The following F13A1 variants were observed in gnomAD, a reference collection of about 807,000 sequenced individuals.
F13A1 encodes the protein FSF, A subunit.
A neutral mutation model predicts 80.1 loss-of-function variants in F13A1; 47 were observed. That is an observed-to-expected ratio of 0.59 (90% CI 0.46 to 0.75). The LOEUF (loss-of-function observed/expected upper bound fraction) is 0.75, where lower values mean the gene tolerates loss of function less well. Ranked by LOEUF, F13A1 falls within the 30% of genes least tolerant of loss-of-function variation. F13A1 has a pLI of 0.00. For missense variants in F13A1, 817 were observed against 930.4 expected (o/e 0.88, Z 1.59); for synonymous variants, 349 against 344.9 (o/e 1.01, Z -0.13).
intron 8 of F13A1, among the ~76,000 whole-genome samples, chr6:6,220,327 T>C (rs1757173806): frequency 1.3e-5 from 2 of 152,034 alleles, no homozygotes; most frequent in South Asian, 4.2e-4. Flanking sequence ...AAGGAACAAA[T>C]GGTGTCAGGA....
chr6:6,212,465 G>T (rs1020810349), intron 8 of F13A1, among the ~76,000 whole-genome samples: 4 of 152,214 alleles, frequency 2.6e-5, no homozygotes, highest in African/African-American at 7.2e-5. Flanking sequence ...TGCAGCTGAG[G>T]GTCCTGTCTG....
At chr6:6,241,377 T>TA (rs1325959458) in intron 6 of F13A1, among the ~76,000 whole-genome samples, 1 of 152,182 alleles carries the variant, frequency 6.6e-6, no homozygotes, top group Non-Finnish European at 1.5e-5. Flanking sequence ...AGTGTGGTCA[T>TA]ACTCATTATC....
intron 8 of F13A1, among the ~76,000 whole-genome samples, chr6:6,200,730 A>G (rs1761377725): frequency 6.6e-6 from 1 of 152,164 alleles, no homozygotes; most frequent in African/African-American, 2.4e-5. Flanking sequence ...GGGAGCTGAA[A>G]TACCAAGGTT....
intron 3 of F13A1, among the ~76,000 whole-genome samples, chr6:6,304,821 C>T (rs1758487391): frequency 6.9e-6 from 1 of 144,850 alleles, no homozygotes; most frequent in African/African-American, 2.6e-5. Flanking sequence ...TGAGATCACA[C>T]CACTGTTCCA....
intron 3 of F13A1, among the ~76,000 whole-genome samples, chr6:6,270,396 CAG>C (rs1757905290): frequency 6.6e-6 from 1 of 152,166 alleles, no homozygotes; most frequent in Non-Finnish European, 1.5e-5. Flanking sequence ...CCCACAGTCT[CAG>C]GGGGTGTTGA....
intron 8 of F13A1, among the ~76,000 whole-genome samples, chr6:6,211,275 G>GT (rs1164151026): frequency 6.6e-6 from 1 of 152,228 alleles, no homozygotes; most frequent in East Asian, 1.9e-4. Flanking sequence ...GGCAAATAAT[G>GT]TTTTTTCCAA....
At chr6:6,230,444 C>T (rs1757334708) in intron 6 of F13A1, among the ~76,000 whole-genome samples, 1 of 152,028 alleles carries the variant, frequency 6.6e-6, no homozygotes, top group African/African-American at 2.4e-5. Flanking sequence ...CAAGACCTGC[C>T]CAAGGAGAGT....
At chr6:6,204,702 G>C (rs921453759) in intron 8 of F13A1, among the ~76,000 whole-genome samples, 5 of 152,070 alleles carry the variant, frequency 3.3e-5, no homozygotes, top group Admixed American at 1.3e-4. Context: ...CCTGGACTTA[G>C]AAAAAAACTT....
intron 3 of F13A1, among the ~76,000 whole-genome samples, chr6:6,275,545 T>C (rs1583106130): frequency 1.3e-5 from 2 of 152,236 alleles, no homozygotes; most frequent in South Asian, 4.2e-4. Context: ...ATTTTTGTAC[T>C]TTTAGTAGAT....
intron 2 of F13A1, among the ~76,000 whole-genome samples, chr6:6,308,081 T>G (rs1229048319): frequency 2.0e-5 from 3 of 152,106 alleles, no homozygotes; most frequent in African/African-American, 7.2e-5. Context: ...TGGCGCGATC[T>G]CGGCTCACTG....
intron 5 of F13A1, among the ~76,000 whole-genome samples, chr6:6,249,858 C>T (rs1757606204): frequency 6.6e-6 from 1 of 152,120 alleles, no homozygotes; most frequent in African/African-American, 2.4e-5. Flanking sequence ...CTTGGCAGGA[C>T]ATTAGAAATG....
intron 3 of F13A1, among the ~76,000 whole-genome samples, chr6:6,287,149 A>G (rs990141367): frequency 7.2e-5 from 11 of 152,316 alleles, no homozygotes; most frequent in African/African-American, 2.4e-4. Flanking sequence ...CTGTAATTCC[A>G]CTTGCATGCT....
chr6:6,319,780 T>TCAACCACGCCTAAG (rs573365344), intron 1 of F13A1, among the ~76,000 whole-genome samples: 117 of 152,224 alleles, frequency 7.7e-4, no homozygotes, highest in Non-Finnish European at 1.3e-3. Flanking sequence ...ACGCCTAAGG[T>TCAACCACGCCTAAG]GTCTGGTCTG....
intron 9 of F13A1, among the ~76,000 whole-genome samples, chr6:6,196,222 G>A (rs987566500): frequency 1.3e-5 from 2 of 152,246 alleles, no homozygotes; most frequent in Non-Finnish European, 2.9e-5. Context: ...AAATGTTGAT[G>A]TGTGCTCTGT....
intron 6 of F13A1, among the ~76,000 whole-genome samples, chr6:6,239,514 A>T (rs1561664858): frequency 6.6e-6 from 1 of 152,190 alleles, no homozygotes; most frequent in African/African-American, 2.4e-5. Flanking sequence ...TATGAAGCAT[A>T]TAACTACCGA....
chr6:6,183,111 T>C (rs1261436215), intron 10 of F13A1, among the ~76,000 whole-genome samples: 1 of 152,194 alleles, frequency 6.6e-6, no homozygotes, highest in Non-Finnish European at 1.5e-5. Flanking sequence ...TATTTTATAA[T>C]CACTTTCTTG....
At chr6:6,270,328 G>A (rs904424076) in intron 3 of F13A1, among the ~76,000 whole-genome samples, 3 of 152,068 alleles carry the variant, frequency 2.0e-5, no homozygotes, top group Admixed American at 6.6e-5. Context: ...TAAACTATTC[G>A]CAAACATCTG....
chr6:6,303,968 T>C (rs1056282829), intron 3 of F13A1, among the ~76,000 whole-genome samples: 1 of 152,206 alleles, frequency 6.6e-6, no homozygotes, highest in African/African-American at 2.4e-5. Context: ...TTGAATCTGT[T>C]GGGTTTTCTA....
chr6:6,274,066 T>C (rs1256681451), intron 3 of F13A1, among the ~76,000 whole-genome samples: 1 of 152,206 alleles, frequency 6.6e-6, no homozygotes, highest in Non-Finnish European at 1.5e-5. Context: ...TTTCCAGATG[T>C]TTCCTAAAGA....
Sources: allele counts gnomAD v4.1 joint callset (sites outside exome capture counted in the v4.1 genomes callset), GRCh38; gene constraint gnomAD v4.1.1; transcripts MANE v1.5; gene names NCBI Gene and HGNC (gene_info 2026-07-23, HGNC 2026-07-21).